KLRG1: variants seen among roughly 807,000 people sequenced by gnomAD.
The protein encoded by KLRG1 is killer cell lectin like receptor G1.
KLRG1 carries 16 observed loss-of-function variants against 21.8 expected under a neutral mutation model. That is an observed-to-expected ratio of 0.73 (90% CI 0.50 to 1.11). The LOEUF (loss-of-function observed/expected upper bound fraction) is 1.11. Among genes scored for constraint, KLRG1 ranks in the 50% most tolerant of loss-of-function variants. KLRG1 has a pLI of 0.00. For missense variants in KLRG1, 173 were observed against 218.3 expected (o/e 0.79, Z 1.31); for synonymous variants, 69 against 75.9 (o/e 0.91, Z 0.47).
the KLRG1 span, chr12:9,154,614 A>G: frequency 6.2e-7 from 1 of 1,613,666 alleles, no homozygotes; most frequent in Admixed American, 1.7e-5. Context: ...GGAACCACTG[A>G]CCTGGGTGGA....
the KLRG1 span, chr12:9,158,630 C>T: frequency 6.3e-7 from 1 of 1,577,588 alleles, no homozygotes; most frequent in African/African-American, 1.3e-5. Context: ...CACTTTACTG[C>T]TCTGTTTTGT....
chr12:9,204,423 A>G, the KLRG1 span, among the ~76,000 whole-genome samples: 1 of 152,244 alleles, frequency 6.6e-6, no homozygotes, highest in African/African-American at 2.4e-5. Flanking sequence ...GACTAGATTT[A>G]CAGAAATTCA....
chr12:8,977,380 TTTTTTTTTTA>T (rs1469695431), intron 1 of KLRG1, among the ~76,000 whole-genome samples: 2 of 149,426 alleles, frequency 1.3e-5, no homozygotes, highest in East Asian at 3.9e-4. Context: ...ATTTTTTTTT[TTTTTTTTTTA>T]TTTGTAGTAG....
the KLRG1 span, among the ~76,000 whole-genome samples, chr12:9,117,462 T>C: frequency 1.3e-5 from 2 of 152,142 alleles, no homozygotes; most frequent in Non-Finnish European, 1.5e-5. Context: ...AAGAGGTAAT[T>C]ATAGTGCTCA....
the KLRG1 span, chr12:9,157,853 A>G: frequency 6.2e-7 from 1 of 1,607,736 alleles, no homozygotes; most frequent in East Asian, 2.2e-5. Flanking sequence ...TGTGAATACA[A>G]CATTGATTTG....
the KLRG1 span, chr12:9,036,693 A>G: frequency 3.9e-6 from 1 of 259,400 alleles, no homozygotes; most frequent in African/African-American, 2.3e-5. Context: ...CTTCTTAGCA[A>G]TCACAGGAAA....
At chr12:9,072,417 G>A in the KLRG1 span, 4 of 1,613,800 alleles carry the variant, frequency 2.5e-6, no homozygotes, top group Non-Finnish European at 3.4e-6. Flanking sequence ...CAAGTTTGAG[G>A]CAGAGTCTGC....
chr12:9,159,174 C>A, the KLRG1 span, among the ~76,000 whole-genome samples: 1 of 151,972 alleles, frequency 6.6e-6, no homozygotes, highest in Admixed American at 6.6e-5. Flanking sequence ...TAGGGCTGAG[C>A]AACAATTTAA....
chr12:9,077,764 G>A, the KLRG1 span: 1 of 1,614,168 alleles, frequency 6.2e-7, no homozygotes, highest in Admixed American at 1.7e-5. Flanking sequence ...TCTGCCTCTG[G>A]GAGAGCCATA....
At chr12:9,199,687 A>G in the KLRG1 span, among the ~76,000 whole-genome samples, 2 of 152,198 alleles carry the variant, frequency 1.3e-5, no homozygotes, top group South Asian at 2.1e-4. Flanking sequence ...TTAAACCTCT[A>G]AGATATTTAT....
At chr12:9,198,143 G>A in the KLRG1 span, among the ~76,000 whole-genome samples, 3 of 151,104 alleles carry the variant, frequency 2.0e-5, no homozygotes, top group Admixed American at 2.0e-4. Flanking sequence ...GAGGCCAAAA[G>A]TTCCCAACTA....
chr12:9,038,464 T>G, the KLRG1 span, among the ~76,000 whole-genome samples: 1 of 152,206 alleles, frequency 6.6e-6, no homozygotes, highest in Non-Finnish European at 1.5e-5. Flanking sequence ...TAGGATACTT[T>G]CCCTTACTTA....
the KLRG1 span, chr12:9,077,886 T>C: frequency 1.2e-6 from 2 of 1,613,864 alleles, no homozygotes; most frequent in Admixed American, 1.7e-5. Context: ...ATCATGATGT[T>C]TATGTTGTCA....
At chr12:9,196,548 C>A in the KLRG1 span, 1 of 1,581,068 alleles carries the variant, frequency 6.3e-7, no homozygotes. Context: ...GTTTTATTTC[C>A]CATATTCGTT....
At chr12:9,025,836 A>G in the KLRG1 span, among the ~76,000 whole-genome samples, 48,374 of 152,054 alleles carry the variant, frequency 0.32, 7,738 homozygotes, top group Admixed American at 0.38. Context: ...GTAAACTGTT[A>G]TTACCTGGTG....
chr12:9,154,565 T>A, the KLRG1 span: 3 of 1,532,114 alleles, frequency 2.0e-6, no homozygotes, highest in Non-Finnish European at 2.7e-6. Context: ...CTTTTAAGCC[T>A]CCCAATTGCC....
the KLRG1 span, chr12:9,028,919 C>T: frequency 1.6e-6 from 1 of 635,920 alleles, no homozygotes; most frequent in Non-Finnish European, 3.0e-6. Context: ...GTGACAAACC[C>T]AAAGCCCCTG....
chr12:9,131,113 C>T, the KLRG1 span, among the ~76,000 whole-genome samples: 42 of 152,108 alleles, frequency 2.8e-4, no homozygotes, highest in African/African-American at 3.9e-4. Flanking sequence ...GCTTATTTCT[C>T]GGCTCTTTAT....
At chr12:9,203,919 T>C in the KLRG1 span, 3 of 1,614,000 alleles carry the variant, frequency 1.9e-6, no homozygotes, top group Non-Finnish European at 2.5e-6. Flanking sequence ...GGCCTCAGTG[T>C]GGAGCAGGGA....
Sources: gnomAD v4.1 joint callset for allele counts (sites outside exome capture counted in the v4.1 genomes callset) on GRCh38, gnomAD v4.1.1 for gene constraint, MANE v1.5 for transcripts, NCBI Gene and HGNC (gene_info 2026-07-23, HGNC 2026-07-21) for gene names.